The following BAZ1A variants were observed in gnomAD, a reference collection of about 807,000 sequenced individuals.
The protein encoded by BAZ1A is bromodomain adjacent to zinc finger domain protein 1A.
BAZ1A carries 50 observed loss-of-function variants against 185.2 expected under a neutral mutation model. That is an observed-to-expected ratio of 0.27 (90% CI 0.22 to 0.34). The LOEUF is 0.34. Ranked by LOEUF, BAZ1A falls within the 10% of genes least tolerant of loss-of-function variation. The pLI is 1.00. For missense variants in BAZ1A, 1,356 were observed against 1,839.9 expected, an observed-to-expected ratio of 0.74 and a Z score of 4.81; for synonymous variants, 571 against 615.6, an observed-to-expected ratio of 0.93 and a Z score of 1.07.
intron 10 of BAZ1A, 90 bp from the exon 11 acceptor site, chr14:34,794,977 A>G: frequency 6.7e-7 from 1 of 1,498,196 alleles, no homozygotes; most frequent in Admixed American, 2.2e-5. Flanking sequence ...CTAACTATTA[A>G]GAAGTATTAT....
intron 3 of BAZ1A, among the ~76,000 whole-genome samples, chr14:34,839,284 G>A (rs11628471): frequency 0.24 from 36,956 of 151,978 alleles, 5,572 homozygotes; most frequent in Non-Finnish European, 0.34. Flanking sequence ...AGTGGCACAC[G>A]CCTGTAATCC....
At chr14:34,789,497 G>C (rs1003606932) in intron 12 of BAZ1A, among the ~76,000 whole-genome samples, 3 of 152,130 alleles carry the variant, frequency 2.0e-5, no homozygotes, top group African/African-American at 7.2e-5. Context: ...ATTATATCCA[G>C]TATTTTATGA....
intron 2 of BAZ1A, among the ~76,000 whole-genome samples, chr14:34,871,601 G>A (rs747803122): frequency 1.3e-5 from 2 of 152,196 alleles, no homozygotes; most frequent in African/African-American, 2.4e-5. Context: ...GGCCAAGTGC[G>A]GTGGCTCACG....
Position 34,774,320 on chromosome 14 carries a change from T to C in BAZ1A, c.2997+7A>G. ...TAGACAAACTAAAAATGGGAACAAG[T>C]ACAAACCTTGATGGCTCCTAATGTT... is the stretch of plus-strand genomic sequence containing the variant. On this transcript the variant is annotated splice_region_variant and intron_variant, in intron 19 of 26. Transcript: ENST00000360310. 6.2e-7 allele frequency: 1 copy of C among 1,601,248 alleles called. No homozygotes were observed. Among genetic ancestry groups the C allele is most frequent in the Non-Finnish European group, 8.5e-7 (1 of 1,176,358 alleles).
At chr14:34,784,792 A>G (rs1880323982) in intron 14 of BAZ1A, among the ~76,000 whole-genome samples, 1 of 152,016 alleles carries the variant, frequency 6.6e-6, no homozygotes, top group African/African-American at 2.4e-5. Context: ...TACTGGGATT[A>G]CAGGCGTGAG....
intron 12 of BAZ1A, among the ~76,000 whole-genome samples, chr14:34,790,652 C>G (rs993739776): frequency 6.6e-6 from 1 of 152,086 alleles, no homozygotes. Context: ...CCACACCCAG[C>G]CTTGTTTTAT....
intron 2 of BAZ1A, among the ~76,000 whole-genome samples, chr14:34,871,907 T>TTGGAA (rs1339041329): frequency 6.6e-6 from 1 of 152,162 alleles, no homozygotes; most frequent in African/African-American, 2.4e-5. Flanking sequence ...CCGTCATAGT[T>TTGGAA]TTTCCAGAGT....
intron 12 of BAZ1A, among the ~76,000 whole-genome samples, chr14:34,788,923 AC>A (rs2138625050): frequency 6.6e-6 from 1 of 152,336 alleles, no homozygotes; most frequent in South Asian, 2.1e-4. Context: ...ACAGTCCCTT[AC>A]TAAAGGAAAA....
chr14:34,813,916 G>A (rs750028578), intron 4 of BAZ1A, among the ~76,000 whole-genome samples: 1 of 151,648 alleles, frequency 6.6e-6, no homozygotes, highest in African/African-American at 2.4e-5. Flanking sequence ...GGTGGCCTGC[G>A]CCTGTAGCCC....
Position 34,786,531 on chromosome 14 carries a change from C to A in BAZ1A, c.1511-310G>T, listed in dbSNP as rs943750933. The A allele has an allele frequency of 2.2e-5, 5 of 229,618 alleles. No homozygotes were observed. The South Asian group carries it at 3.8e-4, about 17-fold the overall frequency. The allele number at this position is 229,618 out of a possible 1,614,324, so 14.2% of individuals were successfully genotyped here. A position where few individuals can be genotyped will look rare whatever the true frequency, so the allele number is the denominator to read the frequency against. On this transcript the variant is annotated intron_variant, in intron 12 of 26. Coordinates refer to ENST00000360310, the MANE Select transcript of BAZ1A (RefSeq NM_013448.3). ...CTTTAGAATTAAAAACAAATCTCCT[C>A]ACTCAATATAACCTTAGAAAAGTCT...
chr14:34,792,881 G>C lies in BAZ1A; in HGVS notation c.1404C>G (p.Gly468=). The C allele has an allele frequency of 6.2e-7, 1 of 1,612,956 alleles. No individual in the cohort carries two copies. The highest frequency in any genetic ancestry group is 8.5e-7 in the Non-Finnish European group (1 of 1,179,630). The change falls in exon 12 of 27, where the codon GGC becomes GGG. Residue 468 remains glycine, a synonymous_variant. Transcript: ENST00000360310. ...EEALVGNDSE[G]PLCELLFFFL... ...AGAAAAAAAGCAATTCACACAGTGG[G>C]CCTTCACTGTCATTTCCTACAAGAG...
At chr14:34,810,137 A>C (rs2041909719) in intron 5 of BAZ1A, among the ~76,000 whole-genome samples, 1 of 152,154 alleles carries the variant, frequency 6.6e-6, no homozygotes, top group African/African-American at 2.4e-5. Context: ...TATATGGAAC[A>C]AAAGGGATGA....
At chr14:34,817,357 G>T (rs915806288) in intron 4 of BAZ1A, among the ~76,000 whole-genome samples, 6 of 152,174 alleles carry the variant, frequency 3.9e-5, no homozygotes, top group Non-Finnish European at 7.3e-5. Flanking sequence ...AGAGGCTGAG[G>T]TGGGCAGATT....
rs114412024 is a variant in BAZ1A at position 34,783,881 on chromosome 14, G to A, written c.1878C>T (p.Thr626=). 180 of 1,610,750 alleles carry A rather than the reference G, an allele frequency of 1.1e-4. No individual in the cohort carries two copies. The African/African-American group carries it at 2.1e-3, about 19-fold the overall frequency. ...ILHALCGKLL[T]LVSTRDFIED... is the part of the protein sequence containing the mutation. ...CAATAAAATCCCTAGTTGAAACTAG[G>A]GTCAGTAGCTTTCCACAGAGAGCAT... Residue 626 remains threonine (T), a synonymous_variant, in exon 15 of 27, where the codon ACC becomes ACT. Transcript: ENST00000360310.
intron 18 of BAZ1A, 103 bp from the exon 19 acceptor site, chr14:34,774,593 T>C: frequency 4.0e-6 from 4 of 1,000,934 alleles, no homozygotes; most frequent in Non-Finnish European, 5.7e-6. Context: ...AAAAGTGCTT[T>C]GTAAATCCTC....
intron 15 of BAZ1A, 36 bp downstream of exon 15, chr14:34,783,726 G>C (rs758336050): frequency 2.5e-6 from 4 of 1,588,808 alleles, no homozygotes; most frequent in Non-Finnish European, 8.5e-7. Flanking sequence ...GAAATAAACA[G>C]CTTTCATTAA....
In BAZ1A at chr14:34,776,294, T is replaced by C. The variant is rs757813687; in HGVS notation, c.2458A>G (p.Ile820Val). 3 of 1,613,798 alleles carry C rather than the reference T, an allele frequency of 1.9e-6. No individual in the cohort carries two copies. Among genetic ancestry groups the C allele is most frequent in the Admixed American group, 1.7e-5 (1 of 59,966 alleles). ...MYRRYWIFPS[I>V]PGLFIEEDYS... ...TCCTCTTCAATAAAGAGTCCAGGAA[T>C]AGAAGGGAAAATCCAGTATCGTCTA... The change falls in exon 18 of 27, where the codon ATT (isoleucine) becomes GTT (valine). Residue 820 changes from isoleucine to valine, a missense_variant. Ile to Val is a conservative substitution (Grantham distance 29). This residue lies in a region of BAZ1A where 434 missense variants were observed against 561.7 expected (regional missense o/e 0.77). Transcript: ENST00000360310.
chr14:34,821,598 G>A (rs964026839), intron 4 of BAZ1A, among the ~76,000 whole-genome samples: 5 of 152,214 alleles, frequency 3.3e-5, no homozygotes, highest in African/African-American at 1.2e-4. Flanking sequence ...ATGATGTCTA[G>A]ATATAGCAGT....
At chr14:34,845,244 G>A (rs377516325) in intron 3 of BAZ1A, 10 of 147,212 alleles carry the variant, frequency 6.8e-5, no homozygotes, top group East Asian at 2.0e-4. Context: ...TATTTTACAC[G>A]TGTTATTTCT....
Sources: gnomAD v4.1 joint callset for allele counts (sites outside exome capture counted in the v4.1 genomes callset) on GRCh38, gnomAD v4.1.1 for gene constraint, gnomAD v4.1.1 regional missense constraint, MANE v1.5 for transcripts, NCBI Gene and HGNC (gene_info 2026-07-23, HGNC 2026-07-21) for gene names.